NOL10: variants seen among roughly 807,000 people sequenced by gnomAD.
NOL10 encodes the protein H_NH0074G24.1.
In NOL10, 58 loss-of-function variants were observed where a neutral mutation model predicts 103.5. The observed-to-expected ratio is 0.56, with a 90% CI of 0.45 to 0.70. The LOEUF (loss-of-function observed/expected upper bound fraction) is 0.70. Ranked by LOEUF, NOL10 falls within the 30% of genes least tolerant of loss-of-function variation. The pLI is 0.00. For synonymous variants in NOL10, 287 were observed against 282.5 expected (o/e 1.02, Z -0.16); for missense variants, 763 against 807.3 (o/e 0.95, Z 0.67).
chr2:10,645,350 T>G (rs887375883), intron 12 of NOL10, among the ~76,000 whole-genome samples: 1 of 152,202 alleles, frequency 6.6e-6, no homozygotes, highest in African/African-American at 2.4e-5. Flanking sequence ...GATCACATAA[T>G]GATAAATGAA....
chr2:10,619,245 A>T (rs778212620), intron 13 of NOL10, among the ~76,000 whole-genome samples: 131 of 152,062 alleles, frequency 8.6e-4, no homozygotes, highest in Non-Finnish European at 1.1e-3. Context: ...CACGGGCTTA[A>T]GCTATCCTCC....
chr2:10,620,204 G>C (rs1481756004), intron 13 of NOL10, among the ~76,000 whole-genome samples: 1 of 152,066 alleles, frequency 6.6e-6, no homozygotes. Context: ...TTCCTTGCAG[G>C]CAAAAGTGTT....
At chr2:10,575,237 T>G (rs561528723) in intron 20 of NOL10, among the ~76,000 whole-genome samples, 1 of 152,246 alleles carries the variant, frequency 6.6e-6, no homozygotes, top group African/African-American at 2.4e-5. Flanking sequence ...TTTGCCACTA[T>G]ACAATTTTAA....
intron 13 of NOL10, among the ~76,000 whole-genome samples, chr2:10,642,819 T>A (rs1185868367): frequency 6.6e-6 from 1 of 152,092 alleles, no homozygotes; most frequent in African/African-American, 2.4e-5. Flanking sequence ...TCTCATCAGC[T>A]CCTGGGCCCT....
chr2:10,675,751 TA>T, intron 4 of NOL10, 42 bp downstream of exon 4: 1 of 1,167,766 alleles, frequency 8.6e-7, no homozygotes, highest in Non-Finnish European at 1.2e-6. Context: ...GCAGACAACA[TA>T]AAAAGCCATT....
chr2:10,602,138 C>T (rs1676007116), intron 16 of NOL10, among the ~76,000 whole-genome samples: 1 of 152,204 alleles, frequency 6.6e-6, no homozygotes, highest in South Asian at 2.1e-4. Context: ...AACATCCTTG[C>T]TATTATGCCT....
chr2:10,606,153 GGCACGGACTCTTGGATTTAAA>G (rs756757106), intron 14 of NOL10, among the ~76,000 whole-genome samples: 424 of 152,136 alleles, frequency 2.8e-3, no homozygotes, highest in Non-Finnish European at 4.6e-3. Context: ...CTGGGGAAAG[GGCACGGACTCTTGGATTTAAA>G]GCTCAACTCT....
chr2:10,654,628 A>C, intron 11 of NOL10, 81 bp from the exon 12 acceptor site: 1 of 739,840 alleles, frequency 1.4e-6, no homozygotes, highest in Non-Finnish European at 2.3e-6. Flanking sequence ...CTGTAACTCA[A>C]CCATCTACTC....
intron 11 of NOL10, among the ~76,000 whole-genome samples, chr2:10,655,894 G>A (rs1679819178): frequency 6.6e-6 from 1 of 152,108 alleles, no homozygotes. Flanking sequence ...CCTAACCCAA[G>A]ACTAACAGTG....
chr2:10,608,085 T>G (rs1676354155), intron 13 of NOL10, among the ~76,000 whole-genome samples: 2 of 152,220 alleles, frequency 1.3e-5, no homozygotes, highest in African/African-American at 4.8e-5. Flanking sequence ...ATGCAAATGT[T>G]AATTAGCTCA....
chr2:10,597,132 G>T (rs1298900128), intron 17 of NOL10, among the ~76,000 whole-genome samples: 2 of 152,134 alleles, frequency 1.3e-5, no homozygotes, highest in Non-Finnish European at 2.9e-5. Flanking sequence ...ACTGCACTCG[G>T]CCTTAATTGT....
At position 10,577,681 on chromosome 2, in the gene NOL10, G is replaced by A. The variant is rs200543723; in HGVS notation, c.1902C>T (p.Ser634=). The A allele has an allele frequency of 6.8e-6, 11 of 1,612,852 alleles. No individual in the cohort carries two copies. The East Asian group carries it at 8.9e-5, about 13-fold the overall frequency. Residue 634 remains serine (S), a synonymous_variant, in exon 20 of 21, where the codon TCC becomes TCT. Coordinates refer to ENST00000381685, the MANE Select transcript of NOL10 (RefSeq NM_024894.4). The part of the protein sequence containing the change: ...IEAKNGTLSV[S]DTTVGSKQLT... ...ATTGTTTGCTGCCAACGGTGGTGTC[G>A]GATACACTCAATGTCCCATTTTTTG...
intron 13 of NOL10, among the ~76,000 whole-genome samples, chr2:10,640,406 A>G (rs957505951): frequency 6.6e-6 from 1 of 152,212 alleles, no homozygotes; most frequent in Non-Finnish European, 1.5e-5. Flanking sequence ...AGAAAGGAAC[A>G]CTGAAGTCCA....
At chr2:10,670,994 A>T (rs1050982268) in intron 6 of NOL10, among the ~76,000 whole-genome samples, 2 of 152,230 alleles carry the variant, frequency 1.3e-5, no homozygotes, top group Non-Finnish European at 2.9e-5. Flanking sequence ...TTGTCATTTC[A>T]TGCAAATCAA....
intron 6 of NOL10, among the ~76,000 whole-genome samples, chr2:10,669,709 T>C (rs1680806466): frequency 6.6e-6 from 1 of 151,032 alleles, no homozygotes; most frequent in Admixed American, 6.6e-5. Flanking sequence ...CTTGCCAATA[T>C]GGTGAAACCC....
chr2:10,644,894 C>G lies in NOL10; in HGVS notation c.974-522G>C, dbSNP rs79740070. ...ACTTAGTATCAAAGTATTCAAATAT[C>G]TCGGTTTTGTTCCCTTTTCTCTGCC... On this transcript the variant is annotated intron_variant, in intron 12 of 20. Transcript: ENST00000381685. Among the ~76,000 whole-genome samples the G allele has an allele frequency of 5.1e-4, 77 of 152,298 alleles. No homozygotes were observed. The East Asian group carries it at 0.013, about 25-fold the overall frequency.
At chr2:10,584,719 G>A (rs1674933872) in intron 19 of NOL10, among the ~76,000 whole-genome samples, 1 of 152,118 alleles carries the variant, frequency 6.6e-6, no homozygotes, top group African/African-American at 2.4e-5. Flanking sequence ...TTAACTTAGT[G>A]ATATTTAACT....
intron 13 of NOL10, among the ~76,000 whole-genome samples, chr2:10,639,959 G>A (rs1403939195): frequency 3.3e-5 from 5 of 152,202 alleles, no homozygotes; most frequent in Admixed American, 2.0e-4. Context: ...GTGCCAGAAG[G>A]TGGTGTATCA....
At chr2:10,642,400 C>A (rs751387656) in intron 13 of NOL10, among the ~76,000 whole-genome samples, 4 of 152,184 alleles carry the variant, frequency 2.6e-5, no homozygotes, top group Non-Finnish European at 4.4e-5. Context: ...GTGCTTGTTG[C>A]GTCCAGATTA....
Sources: gnomAD v4.1 joint callset for allele counts (sites outside exome capture counted in the v4.1 genomes callset) on GRCh38, gnomAD v4.1.1 for gene constraint, MANE v1.5 for transcripts, NCBI Gene and HGNC (gene_info 2026-07-23, HGNC 2026-07-21) for gene names.